Variants in ADARB2 observed in about 807,000 individuals in gnomAD.
The protein encoded by ADARB2 is adenosine deaminase RNA specific B2 (inactive), also known as inactive double-stranded RNA-specific editase B2.
In ADARB2, 25 loss-of-function variants were observed where a neutral mutation model predicts 62.2. The ratio of observed to expected loss-of-function variants is 0.40; its 90% CI spans 0.29 to 0.56. The LOEUF (loss-of-function observed/expected upper bound fraction) is 0.56, where lower values mean the gene tolerates loss of function less well. Among genes scored for constraint, ADARB2 ranks in the 20% least tolerant of loss-of-function variants. The pLI is 0.43. For synonymous variants in ADARB2, 572 were observed against 500.8 expected (o/e 1.14, Z -1.90); for missense variants, 1,071 against 1,077.4 (o/e 0.99, Z 0.08).
chr10:1,411,522 CT>C (rs1168267061), intron 1 of ADARB2, among the ~76,000 whole-genome samples: 1 of 152,182 alleles, frequency 6.6e-6, no homozygotes, highest in Non-Finnish European at 1.5e-5. Context: ...GAATTTGAAG[CT>C]TTTTCCTCCT....
chr10:1,587,811 A>G (rs977456016), intron 1 of ADARB2, among the ~76,000 whole-genome samples: 2 of 152,106 alleles, frequency 1.3e-5, no homozygotes, highest in South Asian at 2.1e-4. Flanking sequence ...TTCCCCCTGT[A>G]CTATTCTCAC....
At chr10:1,548,459 A>G (rs1832560134) in intron 1 of ADARB2, among the ~76,000 whole-genome samples, 1 of 152,234 alleles carries the variant, frequency 6.6e-6, no homozygotes, top group African/African-American at 2.4e-5. Flanking sequence ...CTTCACTGAC[A>G]TGGTGAATAC....
At chr10:1,301,641 G>C (rs1277549994) in intron 3 of ADARB2, among the ~76,000 whole-genome samples, 1 of 151,934 alleles carries the variant, frequency 6.6e-6, no homozygotes, top group Admixed American at 6.5e-5. Context: ...AAATACTAGG[G>C]TGACTGCTTA....
chr10:1,526,881 G>T (rs1215658375), intron 1 of ADARB2: 5 of 504,764 alleles, frequency 9.9e-6, no homozygotes, highest in African/African-American at 7.8e-5. Context: ...TGCCTCATCA[G>T]CCTCACAGTT....
intron 8 of ADARB2, among the ~76,000 whole-genome samples, chr10:1,187,572 C>T (rs1365979036): frequency 6.6e-6 from 1 of 152,248 alleles, no homozygotes; most frequent in Non-Finnish European, 1.5e-5. Context: ...GGCCTGTGCC[C>T]CTCTCCTTTC....
At chr10:1,200,731 A>C (rs1389028184) in intron 7 of ADARB2, among the ~76,000 whole-genome samples, 2 of 152,220 alleles carry the variant, frequency 1.3e-5, no homozygotes, top group African/African-American at 4.8e-5. Context: ...TCCTCAAGCA[A>C]AAATGCCAAG....
chr10:1,319,693 C>T lies in ADARB2; in HGVS notation c.1077+43335G>A, dbSNP rs576036147. On this transcript the variant is annotated intron_variant, in intron 3 of 9. Transcript: ENST00000381312. The stretch of plus-strand genomic sequence containing the variant: ...GTTGGGGACTATGCAATGCATGTTT[C>T]CCTCTTTGTCTTGAATGCCAAGGCA... 5.3e-5 allele frequency among the ~76,000 whole-genome samples: 8 copies of T among 151,524 alleles called. No individual in the cohort carries two copies. The East Asian group carries it at 1.2e-3, about 22-fold the overall frequency.
chr10:1,451,721 C>T (rs897614409), intron 1 of ADARB2, among the ~76,000 whole-genome samples: 2 of 147,430 alleles, frequency 1.4e-5, no homozygotes, highest in Admixed American at 6.7e-5. Context: ...AGGAGGGACA[C>T]ACCCATATGA....
chr10:1,730,275 A>T lies in ADARB2; in HGVS notation c.100+6776T>A, dbSNP rs562177814. 2.0e-5 allele frequency among the ~76,000 whole-genome samples: 3 copies of T among 152,314 alleles called. No homozygotes were observed. In the South Asian group the frequency reaches 6.2e-4, roughly 32 times the overall value. On this transcript the variant is annotated intron_variant, in intron 1 of 9. Coordinates refer to ENST00000381312, the MANE Select transcript of ADARB2 (RefSeq NM_018702.4). ...GAACGTGGCCAGATTTGAGTTAGAG[A>T]TCCGTAGGAGTGAGACGGTACTTAA...
chr10:1,352,951 C>T (rs1219320385), intron 3 of ADARB2, among the ~76,000 whole-genome samples: 1 of 152,172 alleles, frequency 6.6e-6, no homozygotes, highest in Non-Finnish European at 1.5e-5. Context: ...GGCCTAATCC[C>T]CACACACCAG....
intron 3 of ADARB2, among the ~76,000 whole-genome samples, chr10:1,273,317 G>A (rs1194561450): frequency 1.3e-5 from 2 of 152,180 alleles, no homozygotes; most frequent in Non-Finnish European, 2.9e-5. Flanking sequence ...CTGGAGTGCA[G>A]TGGCACTATC....
chr10:1,598,530 C>T (rs925497797), intron 1 of ADARB2, among the ~76,000 whole-genome samples: 7 of 152,194 alleles, frequency 4.6e-5, no homozygotes, highest in Non-Finnish European at 8.8e-5. Flanking sequence ...AAACGGGTGG[C>T]GATGTGGCCC....
intron 1 of ADARB2, among the ~76,000 whole-genome samples, chr10:1,520,601 T>C (rs2131951294): frequency 6.6e-6 from 1 of 152,298 alleles, no homozygotes; most frequent in South Asian, 2.1e-4. Context: ...TCACCAAACT[T>C]GCATTACTTT....
intron 1 of ADARB2, among the ~76,000 whole-genome samples, chr10:1,713,377 T>C (rs1834976699): frequency 6.6e-6 from 1 of 152,158 alleles, no homozygotes; most frequent in South Asian, 2.1e-4. Flanking sequence ...CATTAGAACA[T>C]TAATCCGGGC....
chr10:1,451,701 C>T (rs1252577910), intron 1 of ADARB2, among the ~76,000 whole-genome samples: 1 of 151,656 alleles, frequency 6.6e-6, no homozygotes, highest in Non-Finnish European at 1.5e-5. Flanking sequence ...GGAGGAATTA[C>T]ACCCATATGA....
intron 3 of ADARB2, among the ~76,000 whole-genome samples, chr10:1,303,238 C>G (rs1002688634): frequency 1.5e-4 from 23 of 152,094 alleles, no homozygotes; most frequent in East Asian, 7.7e-4. Context: ...AATGCAGAAG[C>G]CTCAGGAGCC....
intron 4 of ADARB2, among the ~76,000 whole-genome samples, chr10:1,265,662 C>T (rs112902445): frequency 5.2e-5 from 4 of 77,636 alleles, no homozygotes; most frequent in Non-Finnish European, 8.3e-5. Flanking sequence ...CACGCTCTCC[C>T]GGAAGACGGC....
At chr10:1,602,423 C>T (rs1402715955) in intron 1 of ADARB2, among the ~76,000 whole-genome samples, 1 of 152,180 alleles carries the variant, frequency 6.6e-6, no homozygotes, top group Non-Finnish European at 1.5e-5. Flanking sequence ...GATGACAGGC[C>T]TCCCAAGGAA....
At chr10:1,505,076 A>G (rs185434243) in intron 1 of ADARB2, among the ~76,000 whole-genome samples, 133 of 151,848 alleles carry the variant, frequency 8.8e-4, no homozygotes, top group African/African-American at 3.1e-3. Context: ...ACACACACGG[A>G]TGCACACAGG....
Sources: allele counts gnomAD v4.1 joint callset (sites outside exome capture counted in the v4.1 genomes callset), GRCh38; gene constraint gnomAD v4.1.1; transcripts MANE v1.5; gene names NCBI Gene and HGNC (gene_info 2026-07-23, HGNC 2026-07-21).